The following RAMP3 variants were observed in gnomAD, a reference collection of about 807,000 sequenced individuals.
RAMP3 encodes receptor activity modifying protein 3.
Under a neutral mutation model 13.5 loss-of-function variants are expected in RAMP3, and 14 were observed. The ratio of observed to expected loss-of-function variants is 1.04; its 90% CI spans 0.69 to 1.63. The LOEUF (loss-of-function observed/expected upper bound fraction) is 1.63. Among genes scored for constraint, RAMP3 ranks in the 40% most tolerant of loss-of-function variants. RAMP3 has a pLI of 0.00. For synonymous variants in RAMP3, 106 were observed against 88.3 expected (o/e 1.20, Z -1.12); for missense variants, 200 against 204.8 (o/e 0.98, Z 0.14).
intron 1 of RAMP3, among the ~76,000 whole-genome samples, chr7:45,170,788 G>C (rs187223165): frequency 7.8e-4 from 119 of 152,160 alleles, no homozygotes; most frequent in Admixed American, 3.3e-3. Context: ...TGGGACTGCA[G>C]GTGTGCCACT....
chr7:45,163,980 T>A (rs746459844), intron 1 of RAMP3: 31 of 734,056 alleles, frequency 4.2e-5, no homozygotes, highest in Non-Finnish European at 4.7e-5. Flanking sequence ...GTACTGTGGC[T>A]GAAAACCCAC....
At chr7:45,161,117 AC>A (rs1785858332) in intron 1 of RAMP3, among the ~76,000 whole-genome samples, 1 of 146,612 alleles carries the variant, frequency 6.8e-6, no homozygotes, top group African/African-American at 2.7e-5. Context: ...CCTCAAAGGC[AC>A]ATTTACAATC....
intron 1 of RAMP3, among the ~76,000 whole-genome samples, chr7:45,172,821 C>T (rs1021981031): frequency 7.2e-5 from 11 of 152,148 alleles, no homozygotes; most frequent in African/African-American, 1.4e-4. Context: ...TTTGCTCCTG[C>T]GGGGGCCTGT....
At chr7:45,177,612 C>T (rs113135500) in intron 2 of RAMP3, among the ~76,000 whole-genome samples, 171 bp downstream of exon 2, 1 of 152,144 alleles carries the variant, frequency 6.6e-6, no homozygotes, top group Non-Finnish European at 1.5e-5. Context: ...ACACTTTGCC[C>T]AGGGCCCCAA....
At chr7:45,173,206 T>C (rs987101574) in intron 1 of RAMP3, among the ~76,000 whole-genome samples, 3 of 152,218 alleles carry the variant, frequency 2.0e-5, no homozygotes, top group African/African-American at 4.8e-5. Context: ...TTTATGAATG[T>C]ATGGTTTATA....
intron 1 of RAMP3, among the ~76,000 whole-genome samples, chr7:45,162,636 T>C (rs1785886134): frequency 6.6e-6 from 1 of 152,170 alleles, no homozygotes. Flanking sequence ...TGTCTGGCTG[T>C]TGTAGGGCTT....
chr7:45,181,736 TG>T (rs756043666), intron 2 of RAMP3, among the ~76,000 whole-genome samples: 6 of 152,170 alleles, frequency 3.9e-5, no homozygotes, highest in Non-Finnish European at 2.9e-5. Context: ...GGTTTGTCCA[TG>T]GACCTAGCTG....
intron 1 of RAMP3, chr7:45,163,569 A>G: frequency 1.0e-6 from 1 of 985,428 alleles, no homozygotes; most frequent in African/African-American, 1.7e-5. Flanking sequence ...GACAAGCTGG[A>G]GGCTGGGGTC....
intron 1 of RAMP3, among the ~76,000 whole-genome samples, chr7:45,161,749 C>T (rs1265130864): frequency 6.8e-6 from 1 of 146,990 alleles, no homozygotes; most frequent in African/African-American, 2.5e-5. Context: ...AGGTGACAGT[C>T]AGAGTAGGCT....
intron 1 of RAMP3, among the ~76,000 whole-genome samples, chr7:45,167,978 G>A (rs935628142): frequency 3.3e-5 from 5 of 152,162 alleles, no homozygotes; most frequent in African/African-American, 1.2e-4. Context: ...ACTGCAATGG[G>A]CCAGCTGCGA....
At chr7:45,168,836 C>A (rs1010304920) in intron 1 of RAMP3, among the ~76,000 whole-genome samples, 3 of 152,154 alleles carry the variant, frequency 2.0e-5, no homozygotes. Context: ...TGAAACCTGG[C>A]ATCCTTGTTT....
chr7:45,172,468 C>T (rs899100918), intron 1 of RAMP3, among the ~76,000 whole-genome samples: 6 of 152,136 alleles, frequency 3.9e-5, no homozygotes, highest in African/African-American at 9.7e-5. Context: ...GTCTGTACCC[C>T]CTTGTTGAGT....
intron 1 of RAMP3, among the ~76,000 whole-genome samples, chr7:45,170,620 A>G (rs1281043917): frequency 1.4e-5 from 2 of 143,360 alleles, no homozygotes; most frequent in African/African-American, 2.8e-5. Context: ...TACAGGCGTG[A>G]GCCTCTGCGC....
At chr7:45,168,199 G>A (rs1027077479) in intron 1 of RAMP3, among the ~76,000 whole-genome samples, 6 of 151,664 alleles carry the variant, frequency 4.0e-5, no homozygotes, top group African/African-American at 7.3e-5. Context: ...TCAGGAGTTC[G>A]AGACCAGCCT....
rs183832522 is a variant in RAMP3, at chr7:45,163,570, G to A, written c.58+5684G>A. 1.4e-4 allele frequency: 140 copies of A among 985,378 alleles called. 1 individual carries two copies. The African/African-American group carries it at 2.1e-3, about 15-fold the overall frequency. The allele number at this position is 985,378 out of a possible 1,614,324, so 61.0% of individuals were successfully genotyped here. On this transcript the variant is annotated intron_variant, in intron 1 of 2. Transcript: ENST00000242249. Reference sequence around the variant, plus strand: ...CAGCTCATGGGTGGGACAAGCTGGAGGCTGGGGTCAGCAGTGGTGGGAATA... The same window carrying A: ...CAGCTCATGGGTGGGACAAGCTGGAAGCTGGGGTCAGCAGTGGTGGGAATA...
intron 1 of RAMP3, among the ~76,000 whole-genome samples, chr7:45,165,341 G>A (rs1383009158): frequency 6.6e-6 from 1 of 152,062 alleles, no homozygotes; most frequent in East Asian, 1.9e-4. Context: ...ACAGAATTTA[G>A]ACATTGAGAA....
intron 1 of RAMP3, among the ~76,000 whole-genome samples, chr7:45,160,370 A>AAAAAAAAAC (rs1562951070): frequency 1.5e-5 from 2 of 130,872 alleles, no homozygotes; most frequent in East Asian, 2.0e-4. Flanking sequence ...AAAAAAAAAA[A>AAAAAAAAAC]AGACTTGAAG....
chr7:45,178,471 C>T (rs555736003), intron 2 of RAMP3, among the ~76,000 whole-genome samples: 3 of 152,356 alleles, frequency 2.0e-5, no homozygotes, highest in African/African-American at 7.2e-5. Flanking sequence ...TGACCATGGC[C>T]CTGCCCCAGG....
At position 45,183,928 on chromosome 7, in the gene RAMP3, C is replaced by T; in HGVS notation, c.*516C>T. On this transcript the variant is annotated 3_prime_UTR_variant, in exon 3 of 3. Transcript: ENST00000242249. ...TGGAAGACGTTCCGTGCTGTGACCTCCGAGCCCTCCTGGTGGGAAGACAGC... is the reference window on the plus strand; with the variant it reads ...TGGAAGACGTTCCGTGCTGTGACCTTCGAGCCCTCCTGGTGGGAAGACAGC... The T allele has an allele frequency of 2.4e-6, 1 of 418,036 alleles. No individual in the cohort carries two copies. Among genetic ancestry groups the T allele is most frequent in the East Asian group, 3.4e-5 (1 of 29,752 alleles). 25.9% of individuals were successfully genotyped at this position (418,036 alleles called of 1,614,324 possible).
Sources: gnomAD v4.1 joint callset for allele counts (sites outside exome capture counted in the v4.1 genomes callset) on GRCh38, gnomAD v4.1.1 for gene constraint, MANE v1.5 for transcripts, NCBI Gene and HGNC (gene_info 2026-07-23, HGNC 2026-07-21) for gene names.